ABCC11: variants seen among roughly 807,000 people sequenced by gnomAD.
The protein encoded by ABCC11 is ATP binding cassette subfamily C member 11, also known as ATP-binding cassette sub-family C member 11.
A neutral mutation model predicts 149.3 loss-of-function variants in ABCC11; 135 were observed. The observed-to-expected ratio is 0.90, with a 90% CI of 0.79 to 1.04. The LOEUF (loss-of-function observed/expected upper bound fraction) is 1.04, where lower values mean the gene tolerates loss of function less well. Among genes scored for constraint, ABCC11 ranks in the 50% least tolerant of loss-of-function variants. ABCC11 has a pLI of 0.00. For synonymous variants in ABCC11, 665 were observed against 671.4 expected (o/e 0.99, Z 0.15); for missense variants, 1,680 against 1,722.1 (o/e 0.98, Z 0.43).
intron 14 of ABCC11, among the ~76,000 whole-genome samples, 169 bp from the exon 15 acceptor site, chr16:48,200,648 T>A (rs940854127): frequency 6.6e-5 from 10 of 152,068 alleles, no homozygotes; most frequent in Non-Finnish European, 4.4e-5. Context: ...TACATATATA[T>A]CTCACTCATA....
chr16:48,212,673 A>G (rs13336263), intron 10 of ABCC11, among the ~76,000 whole-genome samples: 2,317 of 152,304 alleles, frequency 0.015, 60 homozygotes, highest in African/African-American at 0.053. Context: ...CCCTGACAGC[A>G]GGGACCCCTG....
intron 22 of ABCC11, among the ~76,000 whole-genome samples, chr16:48,185,903 T>C (rs757835107): frequency 3.9e-5 from 6 of 152,206 alleles, no homozygotes; most frequent in Non-Finnish European, 5.9e-5. Flanking sequence ...TTGCATTTAC[T>C]GTCCCCTCTG....
At chr16:48,182,425 T>G (rs943794371) in intron 23 of ABCC11, among the ~76,000 whole-genome samples, 27 of 152,042 alleles carry the variant, frequency 1.8e-4, no homozygotes, top group Non-Finnish European at 3.1e-4. Flanking sequence ...GCACTGGCCG[T>G]GCTCTCTTCC....
chr16:48,225,802 G>T (rs1187689642), intron 4 of ABCC11, among the ~76,000 whole-genome samples: 1 of 152,182 alleles, frequency 6.6e-6, no homozygotes, highest in African/African-American at 2.4e-5. Flanking sequence ...CTGGAAAAAT[G>T]ATGAGTTTTC....
At chr16:48,243,401 C>CA (rs541776018) in intron 1 of ABCC11, among the ~76,000 whole-genome samples, 2,635 of 69,812 alleles carry the variant, frequency 0.038, 52 homozygotes, top group African/African-American at 0.047. Context: ...GACTCCGTCT[C>CA]AAAAAAAAAA....
chr16:48,200,155 G>T, intron 15 of ABCC11, 121 bp downstream of exon 15: 1 of 1,082,532 alleles, frequency 9.2e-7, no homozygotes, highest in South Asian at 1.6e-5. Context: ...ATGTGGAGGA[G>T]TCTAACCTGA....
intron 4 of ABCC11, among the ~76,000 whole-genome samples, chr16:48,225,640 C>A (rs543198792): frequency 2.5e-4 from 38 of 152,298 alleles, no homozygotes; most frequent in African/African-American, 8.2e-4. Flanking sequence ...AGTGTACTTC[C>A]TGTCGCCTCA....
At chr16:48,243,278 G>C (rs1190567916) in intron 1 of ABCC11, among the ~76,000 whole-genome samples, 1 of 151,676 alleles carries the variant, frequency 6.6e-6, no homozygotes, top group Non-Finnish European at 1.5e-5. Context: ...GCGGGTGCCT[G>C]TAGTCCCCAG....
intron 20 of ABCC11, among the ~76,000 whole-genome samples, chr16:48,191,496 T>G (rs1966919856): frequency 6.6e-6 from 1 of 152,234 alleles, no homozygotes; most frequent in Non-Finnish European, 1.5e-5. Context: ...ATCACACCAC[T>G]GCACTCCAGC....
intron 21 of ABCC11, 42 bp downstream of exon 21, chr16:48,187,159 C>T: frequency 6.2e-7 from 1 of 1,613,508 alleles, no homozygotes; most frequent in Non-Finnish European, 8.5e-7. Flanking sequence ...GGGTTGGTCC[C>T]AGCCTTGCTC....
chr16:48,171,899 G>A (rs1285450066), intron 26 of ABCC11, among the ~76,000 whole-genome samples: 1 of 152,164 alleles, frequency 6.6e-6, no homozygotes, highest in Non-Finnish European at 1.5e-5. Flanking sequence ...GGAGGTGGAG[G>A]TTGCAGTGAG....
At chr16:48,213,599 C>G (rs543465361) in intron 9 of ABCC11, 49 bp from the exon 10 acceptor site, 1 of 1,444,522 alleles carries the variant, frequency 6.9e-7, no homozygotes, top group South Asian at 1.3e-5. Flanking sequence ...CTTCCTGCTT[C>G]CTCCATTCCC....
intron 11 of ABCC11, chr16:48,210,579 T>C (rs2150857742): frequency 5.0e-6 from 1 of 201,330 alleles, no homozygotes; most frequent in Non-Finnish European, 1.0e-5. Context: ...ATAAGGTGAG[T>C]TCACAGAATA....
chr16:48,180,453 G>A (rs896668951), intron 23 of ABCC11, among the ~76,000 whole-genome samples: 64 of 152,210 alleles, frequency 4.2e-4, no homozygotes, highest in Non-Finnish European at 1.2e-4. Context: ...CACTAAATGA[G>A]CCAACTGAGC....
chr16:48,245,370 C>A (rs1971308752), intron 1 of ABCC11, among the ~76,000 whole-genome samples: 1 of 152,192 alleles, frequency 6.6e-6, no homozygotes, highest in Admixed American at 6.5e-5. Context: ...GCTTTAACCT[C>A]TATTTCTTTT....
chr16:48,194,014 C>A, intron 18 of ABCC11, 32 bp from the exon 19 acceptor site: 1 of 1,539,544 alleles, frequency 6.5e-7, no homozygotes, highest in Non-Finnish European at 9.0e-7. Context: ...TGTACAAGTG[C>A]CACAAACAGG....
chr16:48,191,391 A>G (rs1966911962), intron 20 of ABCC11, among the ~76,000 whole-genome samples: 1 of 152,120 alleles, frequency 6.6e-6, no homozygotes, highest in South Asian at 2.1e-4. Flanking sequence ...AAAATTAGCC[A>G]GGCATGGTGG....
chr16:48,231,751 G>GT, intron 2 of ABCC11, 72 bp downstream of exon 2: 1 of 1,544,424 alleles, frequency 6.5e-7, no homozygotes, highest in Non-Finnish European at 8.8e-7. Context: ...ATTGTTTGAC[G>GT]TAATTTATGA....
intron 26 of ABCC11, 105 bp downstream of exon 26, chr16:48,175,153 C>T: frequency 7.0e-7 from 1 of 1,433,336 alleles, no homozygotes; most frequent in East Asian, 2.4e-5. Context: ...CCAAGGAGGC[C>T]TGGAAATCGG....
Sources: allele counts gnomAD v4.1 joint callset (sites outside exome capture counted in the v4.1 genomes callset), GRCh38; gene constraint gnomAD v4.1.1; transcripts MANE v1.5; gene names NCBI Gene and HGNC (gene_info 2026-07-23, HGNC 2026-07-21).